The following FAT1 variants were observed in gnomAD, a reference collection of about 807,000 sequenced individuals.
FAT1 encodes FAT atypical cadherin 1, also known as protocadherin Fat 1.
FAT1 carries 171 observed loss-of-function variants against 329.8 expected under a neutral mutation model. The observed-to-expected ratio is 0.52, with a 90% confidence interval of 0.46 to 0.59. The LOEUF (loss-of-function observed/expected upper bound fraction) is 0.59, where lower values mean the gene tolerates loss of function less well. FAT1 is among the 20% of genes least tolerant of loss of function. The pLI, the probability that FAT1 is intolerant of heterozygous loss-of-function variation, is 0.00. For synonymous variants in FAT1, 2,233 were observed against 2,228.6 expected (o/e 1.00, Z -0.06); for missense variants, 5,672 against 5,774.4 (o/e 0.98, Z 0.57).
In FAT1 at chr4:186,627,692, T is replaced by G. The variant is rs112059507; in HGVS notation, c.4810+462A>C. Among the ~76,000 whole-genome samples the G allele has an allele frequency of 2.1e-3, 314 of 152,290 alleles. 2 individuals are homozygous for G. Among genetic ancestry groups the G allele is most frequent in the African/African-American group, 6.6e-3 (276 of 41,548 alleles). On this transcript the variant is annotated intron_variant, in intron 9 of 26. Coordinates refer to ENST00000441802, the MANE Select transcript of FAT1 (RefSeq NM_005245.4). ...GGGGCACGACACCTCTTTCTGAGGT[T>G]TCAGCCAATTACAATGAGATGAGTC... is the stretch of plus-strand genomic sequence containing the variant.
chr4:186,712,721 T>TG (rs1167006867), intron 1 of FAT1, among the ~76,000 whole-genome samples: 1 of 145,406 alleles, frequency 6.9e-6, no homozygotes, highest in Non-Finnish European at 1.5e-5. Context: ...TTAGATTCTT[T>TG]GGGGAAACGT....
At position 186,595,790 on chromosome 4, in the gene FAT1, T is replaced by C; in HGVS notation, c.13037A>G (p.Lys4346Arg). The change falls in exon 26 of 27, where the codon AAG (lysine) becomes AGG (arginine). Residue 4346 changes from lysine to arginine, a missense_variant. Transcript: ENST00000441802. Reference sequence around the variant, plus strand: ...CTGGGAAGGCTTTTCCTCTAGAGGCTTCTTGGAAAGACAGGGATCAAGATC... The same window carrying C: ...CTGGGAAGGCTTTTCCTCTAGAGGCCTCTTGGAAAGACAGGGATCAAGATC... ...VVDLDPCLSK[K>R]PLEEKPSQPY... The C allele has an allele frequency of 6.2e-7, 1 of 1,613,962 alleles. No homozygotes were observed. The highest frequency in any genetic ancestry group is 8.5e-7 in the Non-Finnish European group (1 of 1,179,876).
At chr4:186,601,191 A>C in intron 21 of FAT1, 78 bp downstream of exon 21, 2 of 1,310,004 alleles carry the variant, frequency 1.5e-6, no homozygotes, top group Non-Finnish European at 2.1e-6. Context: ...TATCTGTGCA[A>C]ATTAACAATC....
At chr4:186,663,207 A>G (rs1054267273) in intron 3 of FAT1, 92 bp downstream of exon 3, 2 of 988,004 alleles carry the variant, frequency 2.0e-6, no homozygotes, top group African/African-American at 1.7e-5. Flanking sequence ...TCAAGAAACA[A>G]AAGTATGTAA....
At chr4:186,592,397 A>C (rs545395170) in intron 26 of FAT1, among the ~76,000 whole-genome samples, 1 of 152,326 alleles carries the variant, frequency 6.6e-6, no homozygotes, top group South Asian at 2.1e-4. Context: ...GTTTCAAAAA[A>C]ATTTTAGGTA....
At chr4:186,723,421 C>T (rs972274538) in intron 1 of FAT1, among the ~76,000 whole-genome samples, 25 of 152,222 alleles carry the variant, frequency 1.6e-4, no homozygotes, top group African/African-American at 5.8e-4. Context: ...CAGCAATGGC[C>T]CCGGATCGGT....
intron 3 of FAT1, among the ~76,000 whole-genome samples, chr4:186,658,131 A>G (rs1234063978): frequency 6.6e-6 from 1 of 152,262 alleles, no homozygotes; most frequent in Non-Finnish European, 1.5e-5. Context: ...CAGTCAAACA[A>G]AAAATGTTAT....
intron 26 of FAT1, among the ~76,000 whole-genome samples, chr4:186,594,673 A>G: frequency 1.1e-5 from 1 of 87,414 alleles, no homozygotes; most frequent in Admixed American, 1.3e-4. Flanking sequence ...TATATACTTG[A>G]AAGTATATAT....
At chr4:186,703,303 G>A (rs1744413698) in intron 2 of FAT1, among the ~76,000 whole-genome samples, 1 of 152,196 alleles carries the variant, frequency 6.6e-6, no homozygotes, top group African/African-American at 2.4e-5. Flanking sequence ...TTTTTAGGTA[G>A]TCCATAGAAT....
At chr4:186,634,523 T>C (rs897102145) in intron 6 of FAT1, among the ~76,000 whole-genome samples, 2 of 151,822 alleles carry the variant, frequency 1.3e-5, no homozygotes, top group Non-Finnish European at 2.9e-5. Flanking sequence ...ACACACGACG[T>C]CTTAAGAGAA....
chr4:186,635,542 G>A (rs925948134), intron 6 of FAT1, among the ~76,000 whole-genome samples: 1 of 152,108 alleles, frequency 6.6e-6, no homozygotes, highest in African/African-American at 2.4e-5. Context: ...ACCATAAGCT[G>A]GTATGAATCA....
In FAT1 at chr4:186,604,508, C is replaced by T. The variant is rs774876401; in HGVS notation, c.10417G>A (p.Gly3473Ser). The change falls in exon 18 of 27, where the codon GGT (glycine) becomes AGT (serine). Residue 3473 changes from glycine to serine, a missense_variant. By Grantham distance (56) the Gly-to-Ser change is moderately conservative. Transcript: ENST00000441802. ...ACAATAGTAAAGAAGAAGGGTGGACCGTTATGGGAAGAATCCTCATCTGTT... is the reference window on the plus strand; with the variant it reads ...ACAATAGTAAAGAAGAAGGGTGGACTGTTATGGGAAGAATCCTCATCTGTT... ...VVTDEDSSHNGPPFFFTIVTG... is the reference protein window; with the variant it reads ...VVTDEDSSHNSPPFFFTIVTG... The T allele has an allele frequency of 2.1e-5, 34 of 1,613,614 alleles. No individual in the cohort carries two copies. In the Middle Eastern group the frequency reaches 8.2e-4, roughly 39 times the overall value.
chr4:186,672,369 G>C (rs950885198), intron 2 of FAT1, among the ~76,000 whole-genome samples: 3 of 152,158 alleles, frequency 2.0e-5, no homozygotes, highest in African/African-American at 7.2e-5. Context: ...CCGTACAGGT[G>C]CCTCTCTGCC....
chr4:186,618,522 A>C lies in FAT1; in HGVS notation c.8064T>G (p.Leu2688=). The C allele has an allele frequency of 1.2e-6, 2 of 1,614,072 alleles. No individual in the cohort carries two copies. The highest frequency in any genetic ancestry group is 1.7e-6 in the Non-Finnish European group (2 of 1,179,908). ...NGSPSKESVV[L]VYVKILPPEM... ...CCGGTGGAAGGATTTTAACATAGACAAGAACAACAGATTCTTTTGATGGAG... is the reference window on the plus strand; with the variant it reads ...CCGGTGGAAGGATTTTAACATAGACCAGAACAACAGATTCTTTTGATGGAG... Residue 2688 remains leucine (L), a synonymous_variant, in exon 10 of 27, where the codon CTT becomes CTG. Coordinates refer to ENST00000441802, the MANE Select transcript of FAT1 (RefSeq NM_005245.4).
intron 6 of FAT1, 90 bp from the exon 7 acceptor site, chr4:186,633,913 A>T: frequency 7.1e-7 from 1 of 1,410,910 alleles, no homozygotes; most frequent in Admixed American, 1.8e-5. Context: ...GGCACTGAAA[A>T]ATCTTCTAAT....
chr4:186,591,432 T>TTTTA (rs1313153063), intron 26 of FAT1, among the ~76,000 whole-genome samples: 1 of 152,202 alleles, frequency 6.6e-6, no homozygotes, highest in Non-Finnish European at 1.5e-5. Context: ...ACAGAATCAT[T>TTTTA]TTTAAGTCTA....
Position 186,709,560 on chromosome 4 carries a change from G to A in FAT1, c.268C>T (p.Leu90Phe), listed in dbSNP as rs2126705120. ...ENLFKAEEYI[L>F]GDFCFLRIRT... ...ATTCTTAGAAAGCAAAAGTCTCCGA[G>A]AATGTACTCTTCAGCTTTGAACAGG... is the stretch of plus-strand genomic sequence containing the variant. Residue 90 changes from leucine (L) to phenylalanine (F), a missense_variant, in exon 2 of 27, where the codon CTC becomes TTC. Around this residue, in one of 2 missense-constraint regions of FAT1, gnomAD observed 3,966 missense variants for 3,915.2 expected, o/e 1.01. Coordinates refer to ENST00000441802, the MANE Select transcript of FAT1 (RefSeq NM_005245.4). The A allele has an allele frequency of 1.9e-6, 3 of 1,613,982 alleles. No individual in the cohort carries two copies. Among genetic ancestry groups the A allele is most frequent in the Non-Finnish European group, 2.5e-6 (3 of 1,179,904 alleles).
At position 186,619,683 on chromosome 4, in the gene FAT1, A is replaced by G. The variant is rs1415620783; in HGVS notation, c.6903T>C (p.Ser2301=). 87 of 1,613,920 alleles carry G rather than the reference A, an allele frequency of 5.4e-5. No individual in the cohort carries two copies. Among genetic ancestry groups the G allele is most frequent in the Non-Finnish European group, 6.9e-5 (82 of 1,179,906 alleles). ...AATCGGTGGCTCTAACTTGAACAAC[A>G]GACGTTCCAATTACAGATGCCTCAG... is the stretch of plus-strand genomic sequence containing the variant. ...TLSEASVIGT[S]VVQVRATDSD... Residue 2301 remains serine (S), a synonymous_variant, in exon 10 of 27, where the codon TCT becomes TCC. Transcript: ENST00000441802.
In FAT1 at chr4:186,617,976, T is replaced by A. The variant is rs1157471082; in HGVS notation, c.8610A>T (p.Thr2870=). ...FAINMETGWI[T]TLKELDHEKR... ...TTTCATGGTCAAGTTCCTTTAAAGT[T>A]GTAATCCAGCCTGTTTCCATGTTAA... Residue 2870 remains threonine, a synonymous_variant, in exon 10 of 27, where the codon ACA becomes ACT. Transcript: ENST00000441802. 5 of 1,614,068 alleles carry A rather than the reference T, an allele frequency of 3.1e-6. No homozygotes were observed. The highest frequency in any genetic ancestry group is 4.2e-6 in the Non-Finnish European group (5 of 1,179,904).
Sources: gnomAD v4.1 joint callset for allele counts (sites outside exome capture counted in the v4.1 genomes callset) on GRCh38, gnomAD v4.1.1 for gene constraint, gnomAD v4.1.1 regional missense constraint, MANE v1.5 for transcripts, NCBI Gene and HGNC (gene_info 2026-07-23, HGNC 2026-07-21) for gene names.